The following LCMT1 variants were observed in gnomAD, a reference collection of about 807,000 sequenced individuals.
The protein encoded by LCMT1 is [Phosphatase 2A protein]-leucine-carboxy methyltransferase 1.
Under a neutral mutation model 47.7 loss-of-function variants are expected in LCMT1, and 32 were observed. The observed-to-expected ratio is 0.67, with a 90% confidence interval of 0.51 to 0.90. LCMT1 has a LOEUF of 0.90. LCMT1 is among the 40% of genes least tolerant of loss of function. The probability of loss-of-function intolerance (pLI) is 0.00; values close to 1 mark genes in which losing one functional copy is unlikely to be tolerated. For missense variants in LCMT1, 375 were observed against 415.2 expected (o/e 0.90, Z 0.84); for synonymous variants, 152 against 149.7 (o/e 1.02, Z -0.11).
rs745336102 is a variant in LCMT1, at chr16:25,170,747, G to A, written c.826G>A (p.Ala276Thr). ...ERLLSNGWET[A>T]SAVDMMELYN... ...GCTCCTGTCGAATGGGTGGGAAACA[G>A]CATCGGCCGTCGACATGATGGAGTT... The change falls in exon 9 of 11, where the codon GCA becomes ACA. Residue 276 changes from alanine (A) to threonine (T), a missense_variant. Coordinates refer to ENST00000399069, the MANE Select transcript of LCMT1 (RefSeq NM_016309.3). The A allele has an allele frequency of 6.2e-7, 1 of 1,613,450 alleles. No individual in the cohort carries two copies. The highest frequency in any genetic ancestry group is 2.2e-5 in the East Asian group (1 of 44,870).
chr16:25,134,185 T>C (rs765296633), intron 3 of LCMT1, among the ~76,000 whole-genome samples: 8 of 152,180 alleles, frequency 5.3e-5, no homozygotes, highest in Non-Finnish European at 8.8e-5. Flanking sequence ...AAGACCCACT[T>C]ATCTGTTTTG....
intron 5 of LCMT1, among the ~76,000 whole-genome samples, chr16:25,155,791 CT>C (rs942821917): frequency 6.6e-6 from 1 of 152,000 alleles, no homozygotes; most frequent in Non-Finnish European, 1.5e-5. Flanking sequence ...AGTGATCCTC[CT>C]GCCACAGTCT....
intron 1 of LCMT1, among the ~76,000 whole-genome samples, chr16:25,126,388 G>A (rs1407822235): frequency 6.6e-6 from 1 of 152,284 alleles, no homozygotes; most frequent in East Asian, 1.9e-4. Flanking sequence ...TGTGTTCCCC[G>A]AGTCTTTCTG....
At chr16:25,154,245 C>T (rs1301083687) in intron 5 of LCMT1, among the ~76,000 whole-genome samples, 1 of 151,774 alleles carries the variant, frequency 6.6e-6, no homozygotes, top group Non-Finnish European at 1.5e-5. Flanking sequence ...AACTGCTAAC[C>T]TCGTGATCCT....
chr16:25,150,608 T>C (rs1339275527), intron 4 of LCMT1, among the ~76,000 whole-genome samples: 1 of 152,122 alleles, frequency 6.6e-6, no homozygotes, highest in Non-Finnish European at 1.5e-5. Flanking sequence ...CCTCTCAAAG[T>C]GCTGGGATTA....
In LCMT1 at chr16:25,178,169, A is replaced by C. The variant is rs1397884241; in HGVS notation, c.*146A>C. Reference sequence around the variant, plus strand: ...GCCTTGGTCACTACAGTGGTCGCACATGTTCCTCTTCCTGTTCCTGTTGAC... The same window carrying C: ...GCCTTGGTCACTACAGTGGTCGCACCTGTTCCTCTTCCTGTTCCTGTTGAC... On this transcript the variant is annotated 3_prime_UTR_variant, in exon 11 of 11. Transcript: ENST00000399069. The C allele has an allele frequency of 5.9e-6, 4 of 676,732 alleles. No individual in the cohort carries two copies. Among genetic ancestry groups the C allele is most frequent in the Non-Finnish European group, 1.0e-5 (4 of 389,962 alleles). 41.9% of individuals were successfully genotyped at this position (676,732 alleles called of 1,614,324 possible).
chr16:25,114,361 A>G (rs539148555), intron 1 of LCMT1, among the ~76,000 whole-genome samples: 1 of 152,282 alleles, frequency 6.6e-6, no homozygotes, highest in African/African-American at 2.4e-5. Flanking sequence ...GTTAACAGTC[A>G]TCACCACCCC....
chr16:25,176,397 C>G (rs1961939924), intron 10 of LCMT1, among the ~76,000 whole-genome samples: 1 of 152,042 alleles, frequency 6.6e-6, no homozygotes, highest in Non-Finnish European at 1.5e-5. Flanking sequence ...GAGGCAAGGA[C>G]CATTCCCTAT....
chr16:25,171,373 A>G (rs761200020), intron 9 of LCMT1, among the ~76,000 whole-genome samples: 1 of 152,052 alleles, frequency 6.6e-6, no homozygotes, highest in Non-Finnish European at 1.5e-5. Context: ...GAGATGTGCA[A>G]TTGTATCCAG....
Position 25,111,793 on chromosome 16 carries a change from C to T in LCMT1, c.-91C>T. ...GGTAGGGCCCTACCCTCTTCTGTTG[C>T]TTTCTCCCTGTGGCTCGCGCCGTCC... On this transcript the variant is annotated 5_prime_UTR_variant, in exon 1 of 11. Transcript: ENST00000399069. 1 of 872,842 alleles carries T rather than the reference C, an allele frequency of 1.1e-6. No individual in the cohort carries two copies. Among genetic ancestry groups the T allele is most frequent in the South Asian group, 1.4e-5 (1 of 69,408 alleles). The allele number at this position is 872,842 out of a possible 1,614,324, so 54.1% of individuals were successfully genotyped here.
chr16:25,151,267 T>G (rs1361148307), intron 4 of LCMT1, among the ~76,000 whole-genome samples: 3 of 152,260 alleles, frequency 2.0e-5, no homozygotes, highest in Admixed American at 6.5e-5. Context: ...TAGCTATTTC[T>G]AAGTCTAAAT....
chr16:25,133,834 G>A (rs1012816614), intron 3 of LCMT1, among the ~76,000 whole-genome samples: 2 of 151,072 alleles, frequency 1.3e-5, no homozygotes, highest in Non-Finnish European at 3.0e-5. Context: ...AGGAGTTAGA[G>A]ACCAGCCTGG....
At chr16:25,146,856 A>G (rs1362883551) in intron 4 of LCMT1, 1 of 152,204 alleles carries the variant, frequency 6.6e-6, no homozygotes. Flanking sequence ...TGACCCTGTC[A>G]TAGTGTACAG....
intron 3 of LCMT1, among the ~76,000 whole-genome samples, chr16:25,139,744 ATGGCCTCAAACTCC>A (rs1168101317): frequency 3.3e-5 from 5 of 151,952 alleles, no homozygotes; most frequent in African/African-American, 7.3e-5. Flanking sequence ...GTTGCCCAGG[ATGGCCTCAAACTCC>A]TGGCCTCAAA....
At chr16:25,153,029 G>A (rs1032452726) in intron 5 of LCMT1, among the ~76,000 whole-genome samples, 2 of 152,052 alleles carry the variant, frequency 1.3e-5, no homozygotes, top group East Asian at 1.9e-4. Flanking sequence ...TAACACCGTG[G>A]GCATCAGGTG....
At chr16:25,158,163 T>C (rs1408004539) in intron 5 of LCMT1, among the ~76,000 whole-genome samples, 2 of 152,254 alleles carry the variant, frequency 1.3e-5, no homozygotes, top group South Asian at 4.1e-4. Context: ...TTTTCTTTTT[T>C]TGAGACAGAG....
At chr16:25,177,962 C>T (rs765869992) in intron 10 of LCMT1, 39 bp from the exon 11 acceptor site, 37 of 1,608,950 alleles carry the variant, frequency 2.3e-5, no homozygotes, top group Non-Finnish European at 3.1e-5. Flanking sequence ...TCCTGGCCAC[C>T]AGAGTCTCCT....
chr16:25,113,595 A>C (rs1276498854), intron 1 of LCMT1, among the ~76,000 whole-genome samples: 1 of 152,226 alleles, frequency 6.6e-6, no homozygotes, highest in Non-Finnish European at 1.5e-5. Context: ...TAATAAATAC[A>C]CAAGTATTAA....
chr16:25,131,316 G>GC (rs1298540965), intron 2 of LCMT1, among the ~76,000 whole-genome samples: 1 of 152,200 alleles, frequency 6.6e-6, no homozygotes, highest in Non-Finnish European at 1.5e-5. Context: ...CCCACCCCAC[G>GC]CCCTGGCGGC....
Sources: allele counts gnomAD v4.1 joint callset (sites outside exome capture counted in the v4.1 genomes callset), GRCh38; gene constraint gnomAD v4.1.1; transcripts MANE v1.5; gene names NCBI Gene and HGNC (gene_info 2026-07-23, HGNC 2026-07-21).